MTX3: variants seen among roughly 807,000 people sequenced by gnomAD.
The protein encoded by MTX3 is metaxin 3.
Under a neutral mutation model 42.5 loss-of-function variants are expected in MTX3, and 27 were observed. The observed-to-expected ratio is 0.64, with a 90% confidence interval of 0.47 to 0.88. The LOEUF (loss-of-function observed/expected upper bound fraction) is 0.88, where lower values mean the gene tolerates loss of function less well. MTX3 is among the 40% of genes least tolerant of loss of function. The probability of loss-of-function intolerance (pLI) is 0.00; values close to 1 mark genes in which losing one functional copy is unlikely to be tolerated. For missense variants in MTX3, 378 were observed against 367.0 expected (o/e 1.03, Z -0.25); for synonymous variants, 144 against 132.9 (o/e 1.08, Z -0.57).
rs963242356 is a variant in MTX3 at position 79,976,801 on chromosome 5, A to G, written c.*6883T>C. 6 of 152,648 alleles carry G rather than the reference A, an allele frequency of 3.9e-5. No homozygotes were observed. The highest frequency in any genetic ancestry group is 1.4e-4 in the African/African-American group (6 of 41,442). The allele number at this position is 152,648 out of a possible 1,614,324, so 9.5% of individuals were successfully genotyped here. A position where few individuals can be genotyped will look rare whatever the true frequency, so the allele number is the denominator to read the frequency against. On this transcript the variant is annotated 3_prime_UTR_variant, in exon 9 of 9. Coordinates refer to ENST00000512528, the MANE Select transcript of MTX3 (RefSeq NM_001363818.2). ...TCCAGTTTCTCATTTATCAGAATAA[A>G]TTCTTTACAATATTGATCACCATCA...
chr5:79,988,773 G>A lies in MTX3; in HGVS notation c.322-129C>T, dbSNP rs1315932985. The A allele has an allele frequency of 4.8e-6, 4 of 840,586 alleles. No individual in the cohort carries two copies. The South Asian group carries it at 5.6e-5, about 12-fold the overall frequency. 52.1% of individuals were successfully genotyped at this position (840,586 alleles called of 1,614,324 possible). ...TTCATACAAATTTTCCAGTTAGAAT[G>A]ACTCAGGATAAAACAAGATTATTTT... On this transcript the variant is annotated intron_variant, in intron 4 of 8. Coordinates refer to ENST00000512528, the MANE Select transcript of MTX3 (RefSeq NM_001363818.2).
rs976199137 is a variant in MTX3, at chr5:79,981,164, A to T, written c.*2520T>A. 2.7e-5 allele frequency: 4 copies of T among 150,658 alleles called. No homozygotes were observed. The highest frequency in any genetic ancestry group is 9.8e-5 in the African/African-American group (4 of 40,836). 9.3% of individuals were successfully genotyped at this position (150,658 alleles called of 1,614,324 possible). A position where few individuals can be genotyped will look rare whatever the true frequency, so the allele number is the denominator to read the frequency against. On this transcript the variant is annotated 3_prime_UTR_variant, in exon 9 of 9. Transcript: ENST00000512528. ...CTCCAGCCTGGGCAACAAGAGTGAAACTCTGTCTCAAAAAAAAAAAAAAGT... is the reference window on the plus strand; with the variant it reads ...CTCCAGCCTGGGCAACAAGAGTGAATCTCTGTCTCAAAAAAAAAAAAAAGT...
chr5:79,983,638 A>AT lies in MTX3; in HGVS notation c.*45dup. 1 of 1,366,108 alleles carries AT rather than the reference A, an allele frequency of 7.3e-7. No individual in the cohort carries two copies. Among genetic ancestry groups the AT allele is most frequent in the Non-Finnish European group, 1.0e-6 (1 of 953,690 alleles). 84.6% of individuals were successfully genotyped at this position (1,366,108 alleles called of 1,614,324 possible). A position where few individuals can be genotyped will look rare whatever the true frequency, so the allele number is the denominator to read the frequency against. Reference sequence around the variant, plus strand: ...TGCCTTCACACACTTGGTGTAAGAGATTACTGCAACAATCGTTTGACTTTG... The same window carrying AT: ...TGCCTTCACACACTTGGTGTAAGAGATTTACTGCAACAATCGTTTGACTTTG... On this transcript the variant is annotated 3_prime_UTR_variant, in exon 9 of 9. Transcript: ENST00000512528.
At chr5:79,985,837 A>C (rs1831476380) in intron 7 of MTX3, among the ~76,000 whole-genome samples, 178 bp from the exon 8 acceptor site, 1 of 152,146 alleles carries the variant, frequency 6.6e-6, no homozygotes, top group Admixed American at 6.5e-5. Context: ...GAATGCTCTA[A>C]AACTAAACCC....
intron 6 of MTX3, 116 bp from the exon 7 acceptor site, chr5:79,987,223 T>C (rs1831515766): frequency 9.8e-6 from 8 of 815,840 alleles, no homozygotes; most frequent in South Asian, 1.9e-5. Context: ...GGCAGATCAC[T>C]TGAGGTCAGG....
intron 6 of MTX3, among the ~76,000 whole-genome samples, 197 bp from the exon 7 acceptor site, chr5:79,987,304 G>T (rs1831517460): frequency 6.6e-6 from 1 of 151,946 alleles, no homozygotes; most frequent in Non-Finnish European, 1.5e-5. Flanking sequence ...GTCGGGCGTG[G>T]TGGTGGGCAC....
chr5:79,976,894 G>C lies in MTX3; in HGVS notation c.*6790C>G, dbSNP rs754614801. 6.6e-6 allele frequency: 1 copy of C among 152,600 alleles called. No homozygotes were observed. Among genetic ancestry groups the C allele is most frequent in the Non-Finnish European group, 1.5e-5 (1 of 68,032 alleles). 9.5% of individuals were successfully genotyped at this position (152,600 alleles called of 1,614,324 possible). On this transcript the variant is annotated 3_prime_UTR_variant, in exon 9 of 9. Transcript: ENST00000512528. ...TCACACTCGGCAAGGCTAGAATATT[G>C]AAATTATGGCCAACATTGCTTACTT...
intron 4 of MTX3, among the ~76,000 whole-genome samples, chr5:79,988,899 C>A (rs542429363): frequency 2.2e-4 from 33 of 152,276 alleles, no homozygotes; most frequent in African/African-American, 7.7e-4. Flanking sequence ...ATGAATTACA[C>A]CCAATTCTAT....
Position 79,988,513 on chromosome 5 carries a change from G to A in MTX3, c.453C>T (p.Leu151=), listed in dbSNP as rs772925361. Residue 151 remains leucine, a synonymous_variant, in exon 5 of 9, where the codon CTC becomes CTT. Transcript: ENST00000512528. ...AGAGGGGAGGCTGTCCTCTGGTCAG[G>A]AGAATCCTATTCAGTGCTCCCTTAG... ...RMSKGALNRI[L]LTRGQPPLYH... 1.9e-6 allele frequency: 3 copies of A among 1,613,146 alleles called. No individual in the cohort carries two copies. In the Admixed American group the frequency reaches 5.0e-5, roughly 27 times the overall value.
Position 79,977,050 on chromosome 5 carries a change from GTCT to G in MTX3, c.*6631_*6633del. 6.6e-6 allele frequency: 1 copy of G among 152,250 alleles called. No homozygotes were observed. The highest frequency in any genetic ancestry group is 1.9e-4 in the East Asian group (1 of 5,182). The allele number at this position is 152,250 out of a possible 1,614,324, so 9.4% of individuals were successfully genotyped here. A position where few individuals can be genotyped will look rare whatever the true frequency, so the allele number is the denominator to read the frequency against. ...TGCATACTACATACATATATTTCTT[GTCT>G]TCTTTACTGTCAATCTTTCAGAACA... On this transcript the variant is annotated 3_prime_UTR_variant, in exon 9 of 9. Transcript: ENST00000512528.
chr5:79,982,307 A>T lies in MTX3; in HGVS notation c.*1377T>A, dbSNP rs1159092335. On this transcript the variant is annotated 3_prime_UTR_variant, in exon 9 of 9. Coordinates refer to ENST00000512528, the MANE Select transcript of MTX3 (RefSeq NM_001363818.2). ...TGTATAAATAACTACCTAAATACAG[A>T]ACAAATTGGGAGGATGTGGGTCAAA... The T allele has an allele frequency of 2.3e-6, 1 of 436,568 alleles. No individual in the cohort carries two copies. The highest frequency in any genetic ancestry group is 4.6e-6 in the Non-Finnish European group (1 of 218,432). The allele number at this position is 436,568 out of a possible 1,614,324, so 27.0% of individuals were successfully genotyped here. A position where few individuals can be genotyped will look rare whatever the true frequency, so the allele number is the denominator to read the frequency against.
Position 79,989,227 on chromosome 5 carries a change from A to G in MTX3, c.246T>C (p.Tyr82=). Residue 82 remains tyrosine (Y), a synonymous_variant, in exon 4 of 9, where the codon TAT becomes TAC. Coordinates refer to ENST00000512528, the MANE Select transcript of MTX3 (RefSeq NM_001363818.2). ...CTGCCCCTTGTTTTGCTGAGAGTTC[A>G]TAATCAGCATTATATTTCTATTAAA... ...FLRKQKYNAD[Y]ELSAKQGADT... 1 of 1,599,278 alleles carries G rather than the reference A, an allele frequency of 6.3e-7. No individual in the cohort carries two copies. Among genetic ancestry groups the G allele is most frequent in the Non-Finnish European group, 8.5e-7 (1 of 1,171,634 alleles).
rs1831308697 is a variant in MTX3 at position 79,978,661 on chromosome 5, T to A, written c.*5023A>T. The A allele has an allele frequency of 6.6e-6, 1 of 152,184 alleles. No individual in the cohort carries two copies. Among genetic ancestry groups the A allele is most frequent in the African/African-American group, 2.4e-5 (1 of 41,448 alleles). 9.4% of individuals were successfully genotyped at this position (152,184 alleles called of 1,614,324 possible). On this transcript the variant is annotated 3_prime_UTR_variant, in exon 9 of 9. Coordinates refer to ENST00000512528, the MANE Select transcript of MTX3 (RefSeq NM_001363818.2). Reference sequence around the variant, plus strand: ...TGATGTATAAAATAGAGGTGCTTCTTGGAGATTTAAAATGCACATTAGCGT... The same window carrying A: ...TGATGTATAAAATAGAGGTGCTTCTAGGAGATTTAAAATGCACATTAGCGT...
In MTX3 at chr5:79,983,301, A is replaced by T. The variant is rs1049328090; in HGVS notation, c.*383T>A. On this transcript the variant is annotated 3_prime_UTR_variant, in exon 9 of 9. Transcript: ENST00000512528. ...GTATTCAGCCTGGTCTAAGAAAACTAAGTTAATAAATTGAATAAATTAAAT... is the reference window on the plus strand; with the variant it reads ...GTATTCAGCCTGGTCTAAGAAAACTTAGTTAATAAATTGAATAAATTAAAT... The T allele has an allele frequency of 2.4e-5, 4 of 166,554 alleles. No homozygotes were observed. The highest frequency in any genetic ancestry group is 1.2e-4 in the Admixed American group (2 of 17,036). 10.3% of individuals were successfully genotyped at this position (166,554 alleles called of 1,614,324 possible). A position where few individuals can be genotyped will look rare whatever the true frequency, so the allele number is the denominator to read the frequency against.
At chr5:79,987,884 C>T (rs571335611) in intron 6 of MTX3, among the ~76,000 whole-genome samples, 44 of 152,264 alleles carry the variant, frequency 2.9e-4, no homozygotes, top group African/African-American at 1.0e-3. Context: ...GGCGTGATCT[C>T]AGCTCACTGC....
At chr5:79,990,925 G>A in intron 1 of MTX3, 1 of 710,438 alleles carries the variant, frequency 1.4e-6, no homozygotes, top group Non-Finnish European at 2.6e-6. Flanking sequence ...AGACAGCTTT[G>A]TGAGGCGGAC....
At position 79,977,796 on chromosome 5, in the gene MTX3, C is replaced by T. The variant is rs1201294174; in HGVS notation, c.*5888G>A. On this transcript the variant is annotated 3_prime_UTR_variant, in exon 9 of 9. Coordinates refer to ENST00000512528, the MANE Select transcript of MTX3 (RefSeq NM_001363818.2). Reference sequence around the variant, plus strand: ...ATATTAAACTTCCTTTGCTTTGTCACTGAGCAACTATAAGCTTTCTATGAT... The same window carrying T: ...ATATTAAACTTCCTTTGCTTTGTCATTGAGCAACTATAAGCTTTCTATGAT... The T allele has an allele frequency of 2.0e-5, 3 of 152,232 alleles. No homozygotes were observed. The highest frequency in any genetic ancestry group is 2.9e-5 in the Non-Finnish European group (2 of 68,046). 9.4% of individuals were successfully genotyped at this position (152,232 alleles called of 1,614,324 possible). A position where few individuals can be genotyped will look rare whatever the true frequency, so the allele number is the denominator to read the frequency against.
Position 79,978,977 on chromosome 5 carries a change from C to CAA in MTX3, c.*4705_*4706dup, listed in dbSNP as rs1831315300. On this transcript the variant is annotated 3_prime_UTR_variant, in exon 9 of 9. Coordinates refer to ENST00000512528, the MANE Select transcript of MTX3 (RefSeq NM_001363818.2). Reference sequence around the variant, plus strand: ...ATTTCCCCTTCTATTCACAAACCTTCAACTCGAGTTACCCTTTCTGATACC... The same window carrying CAA: ...ATTTCCCCTTCTATTCACAAACCTTCAAAACTCGAGTTACCCTTTCTGATACC... The CAA allele has an allele frequency of 6.6e-6, 1 of 152,596 alleles. No individual in the cohort carries two copies. The highest frequency in any genetic ancestry group is 6.5e-5 in the Admixed American group (1 of 15,282). 9.5% of individuals were successfully genotyped at this position (152,596 alleles called of 1,614,324 possible).
chr5:79,978,892 T>C lies in MTX3; in HGVS notation c.*4792A>G, dbSNP rs535381799. The C allele has an allele frequency of 6.5e-6, 1 of 152,786 alleles. No homozygotes were observed. Among genetic ancestry groups the C allele is most frequent in the East Asian group, 1.9e-4 (1 of 5,192 alleles). The allele number at this position is 152,786 out of a possible 1,614,324, so 9.5% of individuals were successfully genotyped here. The stretch of plus-strand genomic sequence containing the variant: ...ATGATTAATAAGGATACAAAGAGAC[T>C]TATTTTCCTGTCTTTTGTTATTTTG... On this transcript the variant is annotated 3_prime_UTR_variant, in exon 9 of 9. Coordinates refer to ENST00000512528, the MANE Select transcript of MTX3 (RefSeq NM_001363818.2).
Sources: gnomAD v4.1 joint callset for allele counts (sites outside exome capture counted in the v4.1 genomes callset) on GRCh38, gnomAD v4.1.1 for gene constraint, MANE v1.5 for transcripts, NCBI Gene and HGNC (gene_info 2026-07-23, HGNC 2026-07-21) for gene names.